Variants in SYT1 observed in about 807,000 individuals in gnomAD.
SYT1 encodes the protein synaptotagmin 1.
Under a neutral mutation model 44.8 loss-of-function variants are expected in SYT1, and 8 were observed. The observed-to-expected ratio is 0.18, with a 90% CI of 0.10 to 0.32. The LOEUF (loss-of-function observed/expected upper bound fraction) is 0.32. SYT1 is among the 10% of genes least tolerant of loss of function. The pLI is 1.00. For synonymous variants in SYT1, 154 were observed against 188.8 expected (o/e 0.82, Z 1.51); for missense variants, 286 against 509.3 (o/e 0.56, Z 4.22).
At chr12:79,018,521 G>C (rs1251814914) in intron 2 of SYT1, among the ~76,000 whole-genome samples, 1 of 151,974 alleles carries the variant, frequency 6.6e-6, no homozygotes, top group Non-Finnish European at 1.5e-5. Context: ...ATTTATTAAA[G>C]TCTTTCCTCT....
chr12:79,267,987 TA>T (rs1320138834), intron 4 of SYT1, among the ~76,000 whole-genome samples: 1 of 152,232 alleles, frequency 6.6e-6, no homozygotes, highest in African/African-American at 2.4e-5. Flanking sequence ...CATGTGCAGA[TA>T]AAACGTCCTT....
At chr12:79,285,671 A>T in intron 4 of SYT1, 116 bp from the exon 5 acceptor site, 1 of 709,566 alleles carries the variant, frequency 1.4e-6, no homozygotes, top group South Asian at 2.0e-5. Context: ...TACCTGCAGC[A>T]TAACAGGTGC....
Position 79,056,061 on chromosome 12 carries a change from A to T in SYT1, c.-18+8699A>T, listed in dbSNP as rs146217242. On this transcript the variant is annotated intron_variant, in intron 3 of 10. Transcript: ENST00000261205. Reference sequence around the variant, plus strand: ...GTACAGGTTTGTAGCCCAAGAACAAAAGGCTAAACCATACAGCCTAGGTGT... The same window carrying T: ...GTACAGGTTTGTAGCCCAAGAACAATAGGCTAAACCATACAGCCTAGGTGT... 7.8e-3 allele frequency among the ~76,000 whole-genome samples: 1,182 copies of T among 152,154 alleles called. 57 individuals are homozygous for T. The highest frequency in any genetic ancestry group is 0.07 in the Admixed American group (1,068 of 15,230).
At chr12:79,052,125 G>T (rs1381001619) in intron 3 of SYT1, among the ~76,000 whole-genome samples, 1 of 152,028 alleles carries the variant, frequency 6.6e-6, no homozygotes, top group Non-Finnish European at 1.5e-5. Context: ...GGGCAGTATG[G>T]CCATTTTCAC....
intron 2 of SYT1, among the ~76,000 whole-genome samples, chr12:79,041,606 T>C (rs1873580047): frequency 6.6e-6 from 1 of 152,160 alleles, no homozygotes. Flanking sequence ...CCTAATTGAA[T>C]ACCCTTTATT....
chr12:78,985,243 T>C (rs984224080), intron 2 of SYT1, among the ~76,000 whole-genome samples: 3 of 151,956 alleles, frequency 2.0e-5, no homozygotes, highest in Non-Finnish European at 4.4e-5. Context: ...AATTCTCACA[T>C]ATTTATACAT....
At chr12:79,386,489 T>C (rs911184038) in intron 9 of SYT1, among the ~76,000 whole-genome samples, 4 of 152,142 alleles carry the variant, frequency 2.6e-5, no homozygotes, top group Non-Finnish European at 5.9e-5. Flanking sequence ...CTCTTAATGC[T>C]ATCCCTCTCC....
At chr12:79,091,888 A>C (rs1606770) in intron 3 of SYT1, among the ~76,000 whole-genome samples, 1 of 151,906 alleles carries the variant, frequency 6.6e-6, no homozygotes, top group Non-Finnish European at 1.5e-5. Context: ...GGCTTGTTAT[A>C]CTTTGCCTAA....
intron 3 of SYT1, among the ~76,000 whole-genome samples, chr12:79,088,390 A>G (rs889160805): frequency 6.6e-6 from 1 of 152,140 alleles, no homozygotes; most frequent in Non-Finnish European, 1.5e-5. Context: ...AAACGATACT[A>G]GTAATAATAA....
intron 4 of SYT1, among the ~76,000 whole-genome samples, chr12:79,248,310 AT>A (rs1876973518): frequency 6.6e-6 from 1 of 152,208 alleles, no homozygotes; most frequent in South Asian, 2.1e-4. Context: ...ATAAAAATAT[AT>A]TAGAAAAAAA....
In SYT1 at chr12:78,914,582, TAG is replaced by T. The variant is rs1008498011; in HGVS notation, c.-217+49479_-217+49480del. ...ATAGATAGGTAGATAGGTAGATCGA[TAG>T]AGAGACAGATGTTTCCACTTAAATG... On this transcript the variant is annotated intron_variant, in intron 1 of 10. Coordinates refer to ENST00000261205, the MANE Select transcript of SYT1 (RefSeq NM_005639.3). Among the ~76,000 whole-genome samples, 5 of 152,110 alleles carry T rather than the reference TAG, an allele frequency of 3.3e-5. No homozygotes were observed. The East Asian group carries it at 9.7e-4, about 30-fold the overall frequency.
At chr12:79,153,930 A>G (rs555884200) in intron 3 of SYT1, among the ~76,000 whole-genome samples, 2 of 152,270 alleles carry the variant, frequency 1.3e-5, no homozygotes, top group South Asian at 4.1e-4. Context: ...TCTCTATTTT[A>G]CAGTCAGAGA....
At chr12:79,037,696 C>T (rs974100235) in intron 2 of SYT1, among the ~76,000 whole-genome samples, 1 of 151,708 alleles carries the variant, frequency 6.6e-6, no homozygotes, top group Admixed American at 6.6e-5. Context: ...CAAGAAAGTC[C>T]ATATTCTGAA....
At chr12:79,423,252 C>T (rs1205968409) in intron 9 of SYT1, among the ~76,000 whole-genome samples, 1 of 152,106 alleles carries the variant, frequency 6.6e-6, no homozygotes, top group Non-Finnish European at 1.5e-5. Context: ...TATTAGGTTA[C>T]AGTCTTTTCC....
chr12:79,328,771 G>A (rs781211485), intron 8 of SYT1, among the ~76,000 whole-genome samples: 2 of 151,810 alleles, frequency 1.3e-5, no homozygotes, highest in Non-Finnish European at 2.9e-5. Flanking sequence ...GCCTGAACCC[G>A]GGAGGCAGAG....
chr12:79,152,880 A>AG (rs1813980281), intron 3 of SYT1, among the ~76,000 whole-genome samples: 2 of 151,488 alleles, frequency 1.3e-5, no homozygotes, highest in Admixed American at 1.3e-4. Context: ...AAAATGTAAA[A>AG]AAAAAAAAAA....
intron 8 of SYT1, among the ~76,000 whole-genome samples, chr12:79,309,383 G>C (rs73351077): frequency 0.011 from 1,610 of 150,176 alleles, 30 homozygotes; most frequent in African/African-American, 0.037. Flanking sequence ...ACCACTTTAT[G>C]TTTCTTTTTT....
chr12:78,973,925 AAAAAAAAAAAAAAATATATATATATAT>A (rs1363155247), intron 1 of SYT1, among the ~76,000 whole-genome samples: 606 of 31,204 alleles, frequency 0.019, 43 homozygotes, highest in African/African-American at 0.068. Flanking sequence ...CCAAAAAAAA[AAAAAAAAAAAAAAATATATATATATAT>A]ATATATATAT....
intron 3 of SYT1, among the ~76,000 whole-genome samples, chr12:79,125,589 C>G (rs1425928390): frequency 6.7e-6 from 1 of 148,556 alleles, no homozygotes; most frequent in Admixed American, 6.7e-5. Context: ...CACTGCACCC[C>G]AGCCTGGGCA....
Sources: gnomAD v4.1 joint callset for allele counts (sites outside exome capture counted in the v4.1 genomes callset) on GRCh38, gnomAD v4.1.1 for gene constraint, MANE v1.5 for transcripts, NCBI Gene and HGNC (gene_info 2026-07-23, HGNC 2026-07-21) for gene names.